The following GPC6 variants were observed in gnomAD, a reference collection of about 807,000 sequenced individuals.
GPC6 encodes glypican-6.
GPC6 carries 14 observed loss-of-function variants against 55.2 expected under a neutral mutation model. The ratio of observed to expected loss-of-function variants is 0.25; its 90% CI spans 0.17 to 0.40. GPC6 has a LOEUF of 0.40. Ranked by LOEUF, GPC6 falls within the 10% of genes least tolerant of loss-of-function variation. The pLI, the probability that GPC6 is intolerant of heterozygous loss-of-function variation, is 1.00. For missense variants in GPC6, 641 were observed against 708.5 expected (o/e 0.90, Z 1.08); for synonymous variants, 278 against 259.6 (o/e 1.07, Z -0.68).
At chr13:93,411,553 A>G (rs1876494759) in intron 1 of GPC6, among the ~76,000 whole-genome samples, 1 of 152,190 alleles carries the variant, frequency 6.6e-6, no homozygotes, top group Non-Finnish European at 1.5e-5. Flanking sequence ...TATTACTATT[A>G]TTCTCTAATC....
At chr13:93,913,105 C>A (rs933303136) in intron 3 of GPC6, among the ~76,000 whole-genome samples, 2 of 152,190 alleles carry the variant, frequency 1.3e-5, no homozygotes, top group African/African-American at 4.8e-5. Flanking sequence ...AAGTCATGTT[C>A]ACAGATGTCA....
At chr13:94,181,306 C>T (rs1697947716) in intron 4 of GPC6, among the ~76,000 whole-genome samples, 1 of 152,066 alleles carries the variant, frequency 6.6e-6, no homozygotes, top group Admixed American at 6.5e-5. Flanking sequence ...TTGATGACAC[C>T]CCTGGAGGCC....
the GPC6 span, among the ~76,000 whole-genome samples, chr13:93,220,359 A>G: frequency 6.6e-6 from 1 of 152,216 alleles, no homozygotes; most frequent in Non-Finnish European, 1.5e-5. Context: ...ATGACTGGCA[A>G]GAAGCATGGT....
intron 1 of GPC6, among the ~76,000 whole-genome samples, chr13:93,493,873 C>T (rs1227048280): frequency 1.7e-5 from 2 of 115,266 alleles, no homozygotes; most frequent in African/African-American, 6.3e-5. Context: ...TTTGATTGCA[C>T]TGTGGTCTGA....
chr13:93,476,968 A>G (rs1211756621), intron 1 of GPC6, among the ~76,000 whole-genome samples: 2 of 152,178 alleles, frequency 1.3e-5, no homozygotes, highest in Admixed American at 1.3e-4. Flanking sequence ...ACTTAAAAAC[A>G]TTATGTTATA....
In GPC6 at chr13:93,732,667, T is replaced by G. The variant is rs187928434; in HGVS notation, c.320-97487T>G. Among the ~76,000 whole-genome samples the G allele has an allele frequency of 3.4e-3, 524 of 152,314 alleles. 5 individuals are homozygous for G. The highest frequency in any genetic ancestry group is 0.012 in the African/African-American group (504 of 41,564). ...TGAAACAAATTCAATAAATGTATTT[T>G]AAGAAATTGCTCTCTTTGGTATCAT... On this transcript the variant is annotated intron_variant, in intron 2 of 8. Transcript: ENST00000377047.
At chr13:93,428,171 T>TA in intron 1 of GPC6, among the ~76,000 whole-genome samples, 1 of 70,902 alleles carries the variant, frequency 1.4e-5, no homozygotes, top group East Asian at 4.7e-4. Context: ...ATTATTTTGA[T>TA]AAAAAATGAA....
intron 6 of GPC6, among the ~76,000 whole-genome samples, chr13:94,364,074 A>G (rs544496700): frequency 6.6e-6 from 1 of 152,346 alleles, no homozygotes; most frequent in Non-Finnish European, 1.5e-5. Flanking sequence ...TTACACCTGT[A>G]GCTCCTTTGT....
At chr13:93,367,257 T>G (rs1341885777) in intron 1 of GPC6, among the ~76,000 whole-genome samples, 1 of 151,106 alleles carries the variant, frequency 6.6e-6, no homozygotes, top group Non-Finnish European at 1.5e-5. Flanking sequence ...GGACAATTAT[T>G]CTGATGCTAG....
At chr13:94,186,059 CCAAAAA>C (rs1889174104) in intron 4 of GPC6, among the ~76,000 whole-genome samples, 3 of 63,858 alleles carry the variant, frequency 4.7e-5, no homozygotes, top group East Asian at 5.1e-4. Flanking sequence ...GACTCCGTCT[CCAAAAA>C]AAAAAAAAAA....
At chr13:94,311,668 T>C (rs1023242944) in intron 6 of GPC6, among the ~76,000 whole-genome samples, 9 of 152,224 alleles carry the variant, frequency 5.9e-5, no homozygotes, top group Admixed American at 5.2e-4. Flanking sequence ...AAAAAGAAAT[T>C]GTCCCCTGAG....
At chr13:93,948,736 C>T (rs1304647124) in intron 3 of GPC6, among the ~76,000 whole-genome samples, 2 of 152,158 alleles carry the variant, frequency 1.3e-5, no homozygotes, top group East Asian at 3.8e-4. Context: ...ATCCCCAACT[C>T]AGATAAACAC....
At chr13:93,561,781 C>G (rs904005891) in intron 2 of GPC6, among the ~76,000 whole-genome samples, 1 of 151,986 alleles carries the variant, frequency 6.6e-6, no homozygotes, top group Non-Finnish European at 1.5e-5. Flanking sequence ...TCCATTCTAC[C>G]GACAGAGAGC....
intron 3 of GPC6, among the ~76,000 whole-genome samples, chr13:93,983,782 G>GT (rs1566634095): frequency 1.3e-5 from 1 of 74,550 alleles, no homozygotes; most frequent in African/African-American, 7.1e-5. Flanking sequence ...TCATATTTTT[G>GT]TTAAAAAAAA....
intron 1 of GPC6, among the ~76,000 whole-genome samples, chr13:93,421,469 T>C (rs1408217): frequency 0.49 from 75,168 of 152,028 alleles, 19,906 homozygotes; most frequent in East Asian, 0.79. Context: ...CTCACTACTT[T>C]ACTAAATTCT....
chr13:94,059,165 A>C (rs1432046960), intron 4 of GPC6, among the ~76,000 whole-genome samples: 1 of 151,818 alleles, frequency 6.6e-6, no homozygotes, highest in Non-Finnish European at 1.5e-5. Context: ...CATGTTGTTC[A>C]TGTTGTTCAC....
chr13:93,389,285 C>G (rs1203903417), intron 1 of GPC6, among the ~76,000 whole-genome samples: 1 of 151,802 alleles, frequency 6.6e-6, no homozygotes, highest in Non-Finnish European at 1.5e-5. Flanking sequence ...ATCACGAGGT[C>G]AGGAGATCGA....
intron 2 of GPC6, among the ~76,000 whole-genome samples, chr13:93,648,107 G>A (rs890302083): frequency 6.6e-6 from 1 of 152,120 alleles, no homozygotes; most frequent in African/African-American, 2.4e-5. Context: ...GCTGTCCAAA[G>A]CCAGCCCCTC....
intron 4 of GPC6, among the ~76,000 whole-genome samples, chr13:94,039,212 G>C (rs1315033869): frequency 6.6e-6 from 1 of 152,070 alleles, no homozygotes; most frequent in African/African-American, 2.4e-5. Flanking sequence ...TAAAAGTCAG[G>C]CCAAATACTT....
Sources: allele counts gnomAD v4.1 joint callset (sites outside exome capture counted in the v4.1 genomes callset), GRCh38; gene constraint gnomAD v4.1.1; transcripts MANE v1.5; gene names NCBI Gene and HGNC (gene_info 2026-07-23, HGNC 2026-07-21).